The following VSTM2B variants were observed in gnomAD, a reference collection of about 807,000 sequenced individuals.
VSTM2B encodes V-set and transmembrane domain containing 2B.
VSTM2B carries 24 observed loss-of-function variants against 24.0 expected under a neutral mutation model. The observed-to-expected ratio is 1.00, with a 90% CI of 0.72 to 1.40. VSTM2B has a LOEUF of 1.40. Ranked by LOEUF, VSTM2B falls within the 40% of genes most tolerant of loss-of-function variation. The pLI, the probability that VSTM2B is intolerant of heterozygous loss-of-function variation, is 0.00. For synonymous variants in VSTM2B, 226 were observed against 194.4 expected, an observed-to-expected ratio of 1.16 and a Z score of -1.35; for missense variants, 399 against 416.4, an observed-to-expected ratio of 0.96 and a Z score of 0.36.
At chr19:29,532,559 G>A (rs1217445197) in intron 4 of VSTM2B, among the ~76,000 whole-genome samples, 3 of 152,206 alleles carry the variant, frequency 2.0e-5, no homozygotes, top group East Asian at 3.8e-4. Flanking sequence ...TATTCCTGGA[G>A]GATTTGAAAG....
Position 29,530,253 on chromosome 19 carries a change from G to A in VSTM2B, c.732G>A (p.Ser244=). 2.0e-6 allele frequency: 3 copies of A among 1,500,238 alleles called. No homozygotes were observed. Among genetic ancestry groups the A allele is most frequent in the Middle Eastern group, 2.0e-4 (1 of 5,030 alleles). The allele number at this position is 1,500,238 out of a possible 1,614,324, so 92.9% of individuals were successfully genotyped here. A position where few individuals can be genotyped will look rare whatever the true frequency, so the allele number is the denominator to read the frequency against. The part of the protein sequence containing the change: ...AAAASSASPP[S]GQAVLLRQRH... ...CTGCCTCGTCAGCGTCGCCGCCATCGGGACAGGCGGTCCTGCTGCGCCAGA... is the reference window on the plus strand; with the variant it reads ...CTGCCTCGTCAGCGTCGCCGCCATCAGGACAGGCGGTCCTGCTGCGCCAGA... Residue 244 remains serine (S), a synonymous_variant, in exon 4 of 5, where the codon TCG becomes TCA. Transcript: ENST00000335523.
intron 4 of VSTM2B, among the ~76,000 whole-genome samples, chr19:29,537,208 C>T (rs1460223352): frequency 6.6e-6 from 1 of 152,186 alleles, no homozygotes; most frequent in Non-Finnish European, 1.5e-5. Flanking sequence ...GACACACCTC[C>T]TTCCCTGGGG....
At chr19:29,560,983 C>T (rs1371920063) in intron 4 of VSTM2B, among the ~76,000 whole-genome samples, 1 of 152,174 alleles carries the variant, frequency 6.6e-6, no homozygotes, top group African/African-American at 2.4e-5. Flanking sequence ...CTCACCTGCA[C>T]CTGCCTTCAT....
intron 3 of VSTM2B, 69 bp from the exon 4 acceptor site, chr19:29,529,750 C>A (rs368179274): frequency 2.1e-6 from 3 of 1,447,672 alleles, no homozygotes; most frequent in Admixed American, 2.2e-5. Context: ...GGGGGCGCGA[C>A]GGCCAGGGTG....
chr19:29,545,335 G>A (rs533019426), intron 4 of VSTM2B, among the ~76,000 whole-genome samples: 232 of 152,202 alleles, frequency 1.5e-3, no homozygotes, highest in Admixed American at 6.6e-3. Flanking sequence ...ACTCTGGGTC[G>A]GGCACGGTGG....
In VSTM2B at chr19:29,564,034, C is replaced by T. The variant is rs1464522495; in HGVS notation, c.*100C>T. ...GGATGGACACAGAGAGACTGAGAGA[C>T]GCATGAAAAAGTCCACATGGAAAAT... On this transcript the variant is annotated 3_prime_UTR_variant, in exon 5 of 5. Transcript: ENST00000335523. The T allele has an allele frequency of 2.0e-5, 18 of 898,580 alleles. No individual in the cohort carries two copies. Among genetic ancestry groups the T allele is most frequent in the East Asian group, 8.1e-5 (3 of 36,890 alleles). 55.7% of individuals were successfully genotyped at this position (898,580 alleles called of 1,614,324 possible). A position where few individuals can be genotyped will look rare whatever the true frequency, so the allele number is the denominator to read the frequency against.
At position 29,527,246 on chromosome 19, in the gene VSTM2B, C is replaced by G. The variant is rs1047785210; in HGVS notation, c.118C>G (p.Arg40Gly). 3.9e-6 allele frequency: 6 copies of G among 1,549,916 alleles called. No individual in the cohort carries two copies. In the South Asian group the frequency reaches 7.2e-5, roughly 18 times the overall value. The change falls in exon 2 of 5, where the codon CGG becomes GGG. Residue 40 changes from arginine (R) to glycine (G), a missense_variant. Physicochemically the swap from Arg to Gly is moderately radical, Grantham distance 125. Transcript: ENST00000335523. The stretch of plus-strand genomic sequence containing the variant: ...AGAAGTCCCCAAAGATGTGACAGTA[C>G]GGGAGGGAGACGACATCGAAATGCC... ...FTEVPKDVTV[R>G]EGDDIEMPCA...
intron 4 of VSTM2B, 70 bp downstream of exon 4, chr19:29,530,360 G>T: frequency 3.0e-6 from 4 of 1,346,000 alleles, no homozygotes; most frequent in Non-Finnish European, 3.8e-6. Flanking sequence ...GGGACGCCCC[G>T]GGGGGCTCCG....
intron 4 of VSTM2B, among the ~76,000 whole-genome samples, chr19:29,541,100 G>T (rs1342673527): frequency 6.6e-6 from 1 of 152,224 alleles, no homozygotes; most frequent in Non-Finnish European, 1.5e-5. Flanking sequence ...AAGCAAAGGG[G>T]AAATTAAGTC....
chr19:29,550,012 G>T (rs1970242144), intron 4 of VSTM2B, among the ~76,000 whole-genome samples: 1 of 152,244 alleles, frequency 6.6e-6, no homozygotes, highest in South Asian at 2.1e-4. Context: ...CTGCCTTCTT[G>T]TTTCATTCTT....
At chr19:29,552,681 A>T (rs1428320943) in intron 4 of VSTM2B, among the ~76,000 whole-genome samples, 2 of 152,222 alleles carry the variant, frequency 1.3e-5, no homozygotes, top group East Asian at 3.9e-4. Context: ...GGCAGCTGTC[A>T]TCACTGAGGC....
intron 4 of VSTM2B, among the ~76,000 whole-genome samples, chr19:29,542,237 T>C (rs915668510): frequency 6.6e-6 from 1 of 151,152 alleles, no homozygotes; most frequent in Non-Finnish European, 1.5e-5. Context: ...AATGAATGCA[T>C]AGATACAAGG....
intron 4 of VSTM2B, among the ~76,000 whole-genome samples, chr19:29,533,415 G>A (rs940071090): frequency 2.6e-5 from 4 of 152,152 alleles, no homozygotes; most frequent in African/African-American, 9.7e-5. Flanking sequence ...GAACTGGCCA[G>A]GAACTGTGTA....
Position 29,526,416 on chromosome 19 carries a change from C to T in VSTM2B, c.-168C>T, listed in dbSNP as rs1384277526. On this transcript the variant is annotated 5_prime_UTR_variant, in exon 1 of 5. Coordinates refer to ENST00000335523, the MANE Select transcript of VSTM2B (RefSeq NM_001146339.2). This position sits in a 1 kb window ranked among gnomAD's most constrained non-coding sequence, Gnocchi z 4.1. ...GCCGGAGCCGCACCGGGCAAGCCGG[C>T]GAGGGAGCGGGGCTGATTGGCGGCC... The T allele has an allele frequency of 3.7e-5, 9 of 240,376 alleles. No homozygotes were observed. Among genetic ancestry groups the T allele is most frequent in the Non-Finnish European group, 6.2e-5 (8 of 129,486 alleles). The allele number at this position is 240,376 out of a possible 1,614,324, so 14.9% of individuals were successfully genotyped here. A position where few individuals can be genotyped will look rare whatever the true frequency, so the allele number is the denominator to read the frequency against.
At chr19:29,544,525 C>T in intron 4 of VSTM2B, among the ~76,000 whole-genome samples, 1 of 54,356 alleles carries the variant, frequency 1.8e-5, no homozygotes, top group East Asian at 7.4e-4. Flanking sequence ...GACTCTGTCT[C>T]AAAAAAAAAA....
At chr19:29,541,064 G>A (rs1227843445) in intron 4 of VSTM2B, among the ~76,000 whole-genome samples, 2 of 152,226 alleles carry the variant, frequency 1.3e-5, no homozygotes, top group Non-Finnish European at 2.9e-5. Context: ...GCTTACTGTG[G>A]TGGGTGCAGA....
At chr19:29,527,020 A>C (rs1969591686) in intron 1 of VSTM2B, 191 bp from the exon 2 acceptor site, 1 of 551,898 alleles carries the variant, frequency 1.8e-6, no homozygotes, top group Non-Finnish European at 3.1e-6. Flanking sequence ...TAGGCAGCCG[A>C]TGGCCGGTCC....
intron 4 of VSTM2B, among the ~76,000 whole-genome samples, chr19:29,535,777 C>G (rs1263584876): frequency 6.6e-6 from 1 of 152,088 alleles, no homozygotes; most frequent in Non-Finnish European, 1.5e-5. Context: ...AGCAGAGTCA[C>G]CAGCAGTACC....
At chr19:29,538,172 C>G (rs1969936624) in intron 4 of VSTM2B, among the ~76,000 whole-genome samples, 3 of 152,156 alleles carry the variant, frequency 2.0e-5, no homozygotes, top group African/African-American at 7.2e-5. Flanking sequence ...CCTTCATACC[C>G]TAAGTATTAT....
Sources: allele counts gnomAD v4.1 joint callset (sites outside exome capture counted in the v4.1 genomes callset), GRCh38; gene constraint gnomAD v4.1.1; non-coding constraint Gnocchi (gnomAD v3.1); transcripts MANE v1.5; gene names NCBI Gene and HGNC (gene_info 2026-07-23, HGNC 2026-07-21).